KDM1A: variants seen among roughly 807,000 people sequenced by gnomAD.
KDM1A encodes lysine demethylase 1A.
In KDM1A, 49 loss-of-function variants were observed where a neutral mutation model predicts 109.4. The observed-to-expected ratio is 0.45, with a 90% CI of 0.36 to 0.57. KDM1A has a LOEUF of 0.57. Ranked by LOEUF, KDM1A falls within the 20% of genes least tolerant of loss-of-function variation. KDM1A has a pLI of 0.00. For missense variants in KDM1A, 668 were observed against 1,116.6 expected, an observed-to-expected ratio of 0.60 and a Z score of 5.73; for synonymous variants, 380 against 415.4, an observed-to-expected ratio of 0.91 and a Z score of 1.04.
intron 16 of KDM1A, among the ~76,000 whole-genome samples, chr1:23,077,768 G>T (rs1643507882): frequency 1.3e-5 from 2 of 152,076 alleles, no homozygotes; most frequent in African/African-American, 4.8e-5. Context: ...TTTGGCCCCT[G>T]GGCTCCACTA....
intron 10 of KDM1A, 35 bp from the exon 11 acceptor site, chr1:23,068,504 A>T (rs991827151): frequency 2.0e-6 from 3 of 1,530,718 alleles, no homozygotes; most frequent in African/African-American, 2.8e-5. Flanking sequence ...GTTTAGTTTT[A>T]TAAGGACCAA....
At chr1:23,071,722 C>G (rs900042907) in intron 13 of KDM1A, among the ~76,000 whole-genome samples, 1 of 152,096 alleles carries the variant, frequency 6.6e-6, no homozygotes. Flanking sequence ...CCTTAATTGC[C>G]TCATCTGTAA....
rs1198454012 is a variant in KDM1A at position 23,062,282 on chromosome 1, C to G, written c.1167+3115C>G. 4.1e-4 allele frequency among the ~76,000 whole-genome samples: 63 copies of G among 152,190 alleles called. 2 individuals carry two copies. Among genetic ancestry groups the G allele is most frequent in the Admixed American group, 4.1e-3 (63 of 15,278 alleles). On this transcript the variant is annotated intron_variant, in intron 9 of 20. Coordinates refer to ENST00000400181, the MANE Select transcript of KDM1A (RefSeq NM_001009999.3). Reference sequence around the variant, plus strand: ...TTTCTAACTGCCTGTGTGACGACATCAGCTGAGTCTCCTTCTCTGAGAGCT... The same window carrying G: ...TTTCTAACTGCCTGTGTGACGACATGAGCTGAGTCTCCTTCTCTGAGAGCT...
At chr1:23,041,677 G>A (rs1050745035) in intron 2 of KDM1A, among the ~76,000 whole-genome samples, 6 of 151,636 alleles carry the variant, frequency 4.0e-5, no homozygotes, top group Admixed American at 1.3e-4. Context: ...TCCTGACCTC[G>A]TGATCCGCCC....
intron 1 of KDM1A, among the ~76,000 whole-genome samples, chr1:23,024,833 TAATATAAACAAAA>T (rs1333549997): frequency 3.3e-5 from 5 of 152,208 alleles, no homozygotes; most frequent in Non-Finnish European, 1.5e-5. Flanking sequence ...AGTTTAGATA[TAATATAAACAAAA>T]TGCTTATTGC....
Position 23,079,189 on chromosome 1 carries a change from T to G in KDM1A, c.2055+12T>G. 1 of 1,612,712 alleles carries G rather than the reference T, an allele frequency of 6.2e-7. No homozygotes were observed. The highest frequency in any genetic ancestry group is 8.5e-7 in the Non-Finnish European group (1 of 1,179,052). ...GCAACCTTAACAAGGTAGCTTGCCC[T>G]AGACACTCCTGTCTACAGATCTGAT... is the stretch of plus-strand genomic sequence containing the variant. On this transcript the variant is annotated intron_variant, in intron 17 of 20. Coordinates refer to ENST00000400181, the MANE Select transcript of KDM1A (RefSeq NM_001009999.3). This position sits in a 1 kb window ranked among gnomAD's most constrained non-coding sequence, Gnocchi z 5.6.
At chr1:23,054,035 T>C (rs1642751148) in intron 5 of KDM1A, among the ~76,000 whole-genome samples, 196 bp downstream of exon 5, 1 of 152,218 alleles carries the variant, frequency 6.6e-6, no homozygotes, top group African/African-American at 2.4e-5. Flanking sequence ...CTTTAAATTG[T>C]GTTAACAGAT....
At chr1:23,052,638 G>A (rs1436346765) in intron 4 of KDM1A, among the ~76,000 whole-genome samples, 2 of 152,046 alleles carry the variant, frequency 1.3e-5, no homozygotes, top group Non-Finnish European at 2.9e-5. Flanking sequence ...TGTACCATAT[G>A]TTTTTTTATG....
intron 9 of KDM1A, 70 bp downstream of exon 9, chr1:23,059,237 A>G (rs1642927904): frequency 9.5e-7 from 1 of 1,052,294 alleles, no homozygotes; most frequent in Non-Finnish European, 1.5e-6. Context: ...GGAGAATGGT[A>G]TGGATGAGCA....
Position 23,055,207 on chromosome 1 carries a change from C to T in KDM1A, c.883+46C>T, listed in dbSNP as rs370886717. 265 of 1,150,436 alleles carry T rather than the reference C, an allele frequency of 2.3e-4. 1 individual carries two copies. Among genetic ancestry groups the T allele is most frequent in the African/African-American group, 2.5e-4 (16 of 64,808 alleles). 71.3% of individuals were successfully genotyped at this position (1,150,436 alleles called of 1,614,324 possible). On this transcript the variant is annotated intron_variant, in intron 6 of 20. Transcript: ENST00000400181. ...TGATAAATTTTACATTTTTAAGTTACGGTTTCAGGACTGTATTTTATATCT... is the reference window on the plus strand; with the variant it reads ...TGATAAATTTTACATTTTTAAGTTATGGTTTCAGGACTGTATTTTATATCT...
chr1:23,078,034 A>T (rs994997246), intron 16 of KDM1A, among the ~76,000 whole-genome samples: 4 of 152,208 alleles, frequency 2.6e-5, no homozygotes, highest in African/African-American at 9.7e-5. Context: ...CCTCAAGATA[A>T]CTAGTCATCT....
intron 1 of KDM1A, among the ~76,000 whole-genome samples, chr1:23,023,646 CT>C (rs1641708681): frequency 6.6e-6 from 1 of 152,136 alleles, no homozygotes; most frequent in South Asian, 2.1e-4. Context: ...CTTTGTTCTT[CT>C]TTTGCAAGAT....
At chr1:23,045,167 C>T (rs761034439) in intron 3 of KDM1A, among the ~76,000 whole-genome samples, 10 of 152,150 alleles carry the variant, frequency 6.6e-5, no homozygotes, top group Non-Finnish European at 1.0e-4. Context: ...TCCAAAATAA[C>T]GTATCTGGAT....
At chr1:23,071,755 T>C (rs1463326120) in intron 13 of KDM1A, among the ~76,000 whole-genome samples, 1 of 152,184 alleles carries the variant, frequency 6.6e-6, no homozygotes, top group Non-Finnish European at 1.5e-5. Context: ...ACCTACCTTG[T>C]AGGGTAATTG....
At chr1:23,049,152 CAAAA>C (rs5773034) in intron 3 of KDM1A, among the ~76,000 whole-genome samples, 1 of 75,250 alleles carries the variant, frequency 1.3e-5, no homozygotes, top group Non-Finnish European at 2.4e-5. Context: ...GACTCCCTCT[CAAAA>C]AAAAAAAAAA....
intron 10 of KDM1A, 136 bp from the exon 11 acceptor site, chr1:23,068,403 T>C (rs1009634791): frequency 1.6e-6 from 1 of 640,812 alleles, no homozygotes; most frequent in Admixed American, 3.8e-5. Flanking sequence ...GAAAAGAAAA[T>C]TTGAATCATT....
At chr1:23,035,167 G>T (rs192841324) in intron 2 of KDM1A, among the ~76,000 whole-genome samples, 1 of 152,256 alleles carries the variant, frequency 6.6e-6, no homozygotes, top group African/African-American at 2.4e-5. Context: ...TTAAAAGTTT[G>T]TAGGTGTGTG....
rs543061739 is a variant in KDM1A at position 23,050,383 on chromosome 1, T to C, written c.578-4T>C. 1 of 1,598,736 alleles carries C rather than the reference T, an allele frequency of 6.3e-7. No individual in the cohort carries two copies. Among genetic ancestry groups the C allele is most frequent in the Non-Finnish European group, 8.5e-7 (1 of 1,174,682 alleles). ...TCCTAGATGTCCTTTGCTTTCTTCG[T>C]TAGGTGTGGAGGGCGCAGCTTTCCA... On this transcript the variant is annotated splice_polypyrimidine_tract_variant and splice_region_variant and intron_variant, in intron 3 of 20. Transcript: ENST00000400181.
chr1:23,061,085 T>G (rs926799782), intron 9 of KDM1A, among the ~76,000 whole-genome samples: 2 of 152,168 alleles, frequency 1.3e-5, no homozygotes, highest in Non-Finnish European at 2.9e-5. Context: ...ATGGACTGCT[T>G]TCTTGGTATT....
Sources: allele counts gnomAD v4.1 joint callset (sites outside exome capture counted in the v4.1 genomes callset), GRCh38; gene constraint gnomAD v4.1.1; non-coding constraint Gnocchi (gnomAD v3.1); transcripts MANE v1.5; gene names NCBI Gene and HGNC (gene_info 2026-07-23, HGNC 2026-07-21).